Variants in TTC7A observed in about 807,000 individuals in gnomAD.
The protein encoded by TTC7A is tetratricopeptide repeat domain 7A, also known as tetratricopeptide repeat protein 7A.
A neutral mutation model predicts 103.7 loss-of-function variants in TTC7A; 110 were observed. The ratio of observed to expected loss-of-function variants is 1.06; its 90% CI spans 0.91 to 1.24. TTC7A has a LOEUF of 1.24. Ranked by LOEUF, TTC7A falls within the 50% of genes most tolerant of loss-of-function variation. TTC7A has a pLI of 0.00. For missense variants in TTC7A, 1,340 were observed against 1,116.3 expected (o/e 1.20, Z -2.86); for synonymous variants, 521 against 467.9 (o/e 1.11, Z -1.47).
chr2:46,934,787 C>CTTTTTTTTTTTTTTTT lies in TTC7A; in HGVS notation c.83-15559_83-15544dup, dbSNP rs1161003607. ...GGAATAAGGTATGAAGACTACTGCTCTTTTTTTTTTTTTTTTTTTTTTTTT... is the reference window on the plus strand; with the variant it reads ...GGAATAAGGTATGAAGACTACTGCTCTTTTTTTTTTTTTTTTTTTTTTTTTTTTTTTTTTTTTTTTT... On this transcript the variant is annotated intron_variant, in intron 2 of 20. Transcript: ENST00000409245. Among the ~76,000 whole-genome samples, 11 of 66,916 alleles carry CTTTTTTTTTTTTTTTT rather than the reference C, an allele frequency of 1.6e-4. 1 individual carries two copies. Among genetic ancestry groups the CTTTTTTTTTTTTTTTT allele is most frequent in the Non-Finnish European group, 2.7e-4 (10 of 37,308 alleles). 43.9% of individuals were successfully genotyped at this position (66,916 alleles called of 152,430 possible).
Position 46,999,767 on chromosome 2 carries a change from G to A in TTC7A, c.1065+4568G>A, listed in dbSNP as rs993359301. The A allele has an allele frequency of 4.1e-6, 4 of 985,290 alleles. No homozygotes were observed. The African/African-American group carries it at 7.0e-5, about 17-fold the overall frequency. The allele number at this position is 985,290 out of a possible 1,614,324, so 61.0% of individuals were successfully genotyped here. A position where few individuals can be genotyped will look rare whatever the true frequency, so the allele number is the denominator to read the frequency against. ...TTCTTATTTCTGAAATACTGATCTG[G>A]GGCATAAAAATATGTGCTAAAGTAA... On this transcript the variant is annotated intron_variant, in intron 8 of 19. Coordinates refer to ENST00000319190, the MANE Select transcript of TTC7A (RefSeq NM_020458.4).
intron 3 of TTC7A, among the ~76,000 whole-genome samples, chr2:46,960,854 G>T (rs1672306706): frequency 6.6e-6 from 1 of 152,208 alleles, no homozygotes; most frequent in Admixed American, 6.5e-5. Context: ...CTCCAAGATG[G>T]GTCAGACAGA....
chr2:47,010,810 G>A (rs370978349), intron 10 of TTC7A, among the ~76,000 whole-genome samples: 85 of 152,202 alleles, frequency 5.6e-4, no homozygotes, highest in Non-Finnish European at 9.0e-4. Context: ...AGCGATTCTC[G>A]TGTCTCAGCC....
intron 19 of TTC7A, among the ~76,000 whole-genome samples, chr2:47,069,202 T>G (rs533866206): frequency 6.6e-6 from 1 of 152,110 alleles, no homozygotes; most frequent in South Asian, 2.1e-4. Flanking sequence ...GCCCAGCCAC[T>G]GGCCAGAGGA....
intron 2 of TTC7A, among the ~76,000 whole-genome samples, chr2:46,952,331 C>T (rs1572704549): frequency 6.6e-6 from 1 of 152,042 alleles, no homozygotes; most frequent in East Asian, 1.9e-4. Context: ...ACCAAGACCG[C>T]TTTTCGTTTT....
chr2:47,016,395 G>T (rs998757775), intron 11 of TTC7A, among the ~76,000 whole-genome samples: 1 of 152,232 alleles, frequency 6.6e-6, no homozygotes, highest in Admixed American at 6.5e-5. Flanking sequence ...CTTCAGCTCA[G>T]CTCCCTGTGC....
intron 2 of TTC7A, among the ~76,000 whole-genome samples, chr2:46,934,476 C>T (rs1407668054): frequency 2.0e-5 from 3 of 152,040 alleles, no homozygotes; most frequent in African/African-American, 7.2e-5. Flanking sequence ...CCAGGCTGGT[C>T]TTGAACTGGC....
At chr2:46,972,959 A>G (rs985139371) in intron 3 of TTC7A, among the ~76,000 whole-genome samples, 2 of 152,222 alleles carry the variant, frequency 1.3e-5, no homozygotes, top group Non-Finnish European at 2.9e-5. Context: ...ACAACTGGAA[A>G]TGTAACCAAG....
intron 8 of TTC7A, among the ~76,000 whole-genome samples, chr2:47,002,516 C>A (rs775814285): frequency 6.8e-6 from 1 of 147,860 alleles, no homozygotes; most frequent in African/African-American, 2.5e-5. Flanking sequence ...GTGGCTGGGA[C>A]TAGGTCAGAG....
chr2:46,998,089 G>T lies in TTC7A; in HGVS notation c.1065+2890G>T, dbSNP rs537976366. 1.1e-4 allele frequency among the ~76,000 whole-genome samples: 16 copies of T among 152,206 alleles called. 1 individual carries two copies. In the South Asian group the frequency reaches 3.3e-3, roughly 32 times the overall value. ...GTGAGTCTGGGTTGGCTGGCCAGGT[G>T]GTGTCCTGGGAGATTCCCTGTGGCA... On this transcript the variant is annotated intron_variant, in intron 8 of 19. Coordinates refer to ENST00000319190, the MANE Select transcript of TTC7A (RefSeq NM_020458.4).
intron 15 of TTC7A, among the ~76,000 whole-genome samples, chr2:47,039,145 C>T (rs774189315): frequency 2.6e-5 from 4 of 152,152 alleles, no homozygotes; most frequent in Non-Finnish European, 5.9e-5. Context: ...GGTGAAGGCA[C>T]TTCCAGGAAG....
intron 15 of TTC7A, among the ~76,000 whole-genome samples, chr2:47,029,639 C>A (rs942686752): frequency 6.6e-6 from 1 of 152,210 alleles, no homozygotes; most frequent in Non-Finnish European, 1.5e-5. Flanking sequence ...GTGGGGTCTG[C>A]ATGGGCCACA....
intron 19 of TTC7A, among the ~76,000 whole-genome samples, chr2:47,072,354 G>A (rs971349657): frequency 2.0e-5 from 3 of 152,056 alleles, no homozygotes; most frequent in African/African-American, 7.2e-5. Context: ...TTCCTCCCCC[G>A]CCCCCTGGCC....
intron 5 of TTC7A, among the ~76,000 whole-genome samples, chr2:46,981,125 G>T (rs1361149467): frequency 6.6e-6 from 1 of 151,906 alleles, no homozygotes; most frequent in Non-Finnish European, 1.5e-5. Context: ...CCCCTCTCTG[G>T]CCCTTGACAG....
chr2:47,039,617 T>C lies in TTC7A; in HGVS notation c.1803-6698T>C, dbSNP rs1329579422. 3.3e-5 allele frequency among the ~76,000 whole-genome samples: 5 copies of C among 152,236 alleles called. No homozygotes were observed. The South Asian group carries it at 1.0e-3, about 32-fold the overall frequency. ...TTCTGAGGAGTCTCACCCTAAGAGC[T>C]CTTTATAGCAGTGGGAAGAAATTGT... On this transcript the variant is annotated intron_variant, in intron 15 of 19. Coordinates refer to ENST00000319190, the MANE Select transcript of TTC7A (RefSeq NM_020458.4).
At chr2:47,024,552 G>A (rs1679673166) in intron 14 of TTC7A, among the ~76,000 whole-genome samples, 193 bp downstream of exon 14, 1 of 152,126 alleles carries the variant, frequency 6.6e-6, no homozygotes, top group Non-Finnish European at 1.5e-5. Flanking sequence ...TGTGGGTAAA[G>A]CCGTGGTGGG....
At chr2:46,998,728 CTGCAGGAAACGGTGTT>C (rs1213063314) in intron 8 of TTC7A, among the ~76,000 whole-genome samples, 1 of 152,188 alleles carries the variant, frequency 6.6e-6, no homozygotes, top group Non-Finnish European at 1.5e-5. Context: ...AGAGCAGCTG[CTGCAGGAAACGGTGTT>C]TGCAGGCCTC....
At chr2:47,049,893 G>C in intron 16 of TTC7A, 56 bp from the exon 17 acceptor site, 1 of 1,342,456 alleles carries the variant, frequency 7.4e-7, no homozygotes, top group South Asian at 1.2e-5. Context: ...ACCTCACTGG[G>C]CCCTGTGATG....
intron 1 of TTC7A, among the ~76,000 whole-genome samples, chr2:46,946,742 A>G (rs902818302): frequency 1.6e-4 from 24 of 152,218 alleles, no homozygotes; most frequent in African/African-American, 5.1e-4. Context: ...TTTAACAACT[A>G]TAAGTCTAGA....
Sources: gnomAD v4.1 joint callset for allele counts (sites outside exome capture counted in the v4.1 genomes callset) on GRCh38, gnomAD v4.1.1 for gene constraint, MANE v1.5 for transcripts, NCBI Gene and HGNC (gene_info 2026-07-23, HGNC 2026-07-21) for gene names.